TRIM5: variants seen among roughly 807,000 people sequenced by gnomAD.
TRIM5 encodes the protein tripartite motif-containing protein 5.
A neutral mutation model predicts 35.6 loss-of-function variants in TRIM5; 31 were observed. The ratio of observed to expected loss-of-function variants is 0.87; its 90% confidence interval spans 0.65 to 1.18. TRIM5 has a LOEUF of 1.18. Ranked by LOEUF, TRIM5 falls within the 50% of genes most tolerant of loss-of-function variation. The pLI, the probability that TRIM5 is intolerant of heterozygous loss-of-function variation, is 0.00. For synonymous variants in TRIM5, 243 were observed against 215.6 expected (o/e 1.13, Z -1.11); for missense variants, 609 against 591.6 (o/e 1.03, Z -0.31).
chr11:5,655,301 A>C, the TRIM5 span, among the ~76,000 whole-genome samples: 51 of 152,088 alleles, frequency 3.4e-4, no homozygotes, highest in African/African-American at 1.2e-3. Flanking sequence ...TGATAAATAA[A>C]GAAAAAGACT....
At chr11:5,607,701 T>G in the TRIM5 span, among the ~76,000 whole-genome samples, 1 of 152,218 alleles carries the variant, frequency 6.6e-6, no homozygotes, top group African/African-American at 2.4e-5. Context: ...TATTTCCTAT[T>G]TTGTTTAAAT....
At chr11:5,661,003 C>G (rs1443625525), downstream of TRIM5, among the ~76,000 whole-genome samples, 1 of 115,356 alleles carries the variant, frequency 8.7e-6, no homozygotes, top group Admixed American at 1.3e-4. Context: ...AATCGCGCCA[C>G]TGCACTCCAG....
At chr11:5,635,861 T>G in the TRIM5 span, among the ~76,000 whole-genome samples, 2 of 152,214 alleles carry the variant, frequency 1.3e-5, no homozygotes, top group Non-Finnish European at 2.9e-5. Context: ...TTAGTATGGC[T>G]ATAATAAAAA....
the TRIM5 span, chr11:5,633,975 T>C: frequency 6.6e-7 from 1 of 1,510,786 alleles, no homozygotes; most frequent in South Asian, 1.2e-5. Context: ...TCGTCCTTTT[T>C]ATTCCTTGAC....
At chr11:5,679,236 A>G in intron 2 of TRIM5, 67 bp from the exon 3 acceptor site, 5 of 1,363,384 alleles carry the variant, frequency 3.7e-6, no homozygotes, top group Non-Finnish European at 5.1e-6. Context: ...GAGTATAAAC[A>G]TGAAATAAAT....
the TRIM5 span, chr11:5,655,744 T>C: frequency 1.1e-6 from 1 of 941,856 alleles, no homozygotes; most frequent in African/African-American, 1.8e-5. Context: ...CAAAAGTATG[T>C]GCAGGACATA....
At chr11:5,668,664 G>A (rs1851330707) in intron 4 of TRIM5, among the ~76,000 whole-genome samples, 1 of 151,970 alleles carries the variant, frequency 6.6e-6, no homozygotes, top group Non-Finnish European at 1.5e-5. Context: ...TGGTCAGGCT[G>A]GTCTTGAACT....
At chr11:5,614,482 T>G in the TRIM5 span, among the ~76,000 whole-genome samples, 1 of 152,360 alleles carries the variant, frequency 6.6e-6, no homozygotes, top group Admixed American at 6.5e-5. Flanking sequence ...ATTTTTTAAA[T>G]GTCTAGCTGT....
chr11:5,634,618 T>C, the TRIM5 span: 19 of 1,606,456 alleles, frequency 1.2e-5, no homozygotes, highest in Non-Finnish European at 1.5e-5. Context: ...CTCTCTCTTG[T>C]CCATCCTTGC....
At chr11:5,611,207 C>T in the TRIM5 span, 4 of 1,614,108 alleles carry the variant, frequency 2.5e-6, no homozygotes, top group East Asian at 6.7e-5. Flanking sequence ...CTGGTACTGT[C>T]TCCTTTTATA....
chr11:5,660,939 G>C (rs1850792913), downstream of TRIM5, among the ~76,000 whole-genome samples: 1 of 150,960 alleles, frequency 6.6e-6, no homozygotes, highest in South Asian at 2.1e-4. Context: ...CTACTCGGGA[G>C]ACTGAGGCAG....
chr11:5,595,407 C>G, the TRIM5 span: 2 of 152,228 alleles, frequency 1.3e-5, no homozygotes, highest in Non-Finnish European at 2.9e-5. Flanking sequence ...CAGATACACA[C>G]ACACAGCTTT....
At chr11:5,636,811 A>G in the TRIM5 span, among the ~76,000 whole-genome samples, 2 of 152,202 alleles carry the variant, frequency 1.3e-5, no homozygotes, top group Non-Finnish European at 2.9e-5. Flanking sequence ...TTATTCTTTT[A>G]TCTGAGTAGG....
At chr11:5,609,878 G>T in the TRIM5 span, among the ~76,000 whole-genome samples, 1 of 152,110 alleles carries the variant, frequency 6.6e-6, no homozygotes, top group East Asian at 1.9e-4. Context: ...AGCCGAGATC[G>T]TGCCACTGCA....
chr11:5,636,158 T>C, the TRIM5 span, among the ~76,000 whole-genome samples: 516 of 152,320 alleles, frequency 3.4e-3, 2 homozygotes, highest in African/African-American at 0.011. Context: ...ATAAGCAAAA[T>C]GTGTTATATC....
chr11:5,663,520 T>A lies in TRIM5; in HGVS notation c.*1289A>T, dbSNP rs559043001. 1 of 984,150 alleles carries A rather than the reference T, an allele frequency of 1.0e-6. No homozygotes were observed. The highest frequency in any genetic ancestry group is 1.7e-5 in the African/African-American group (1 of 57,234). 61.0% of individuals were successfully genotyped at this position (984,150 alleles called of 1,614,324 possible). A position where few individuals can be genotyped will look rare whatever the true frequency, so the allele number is the denominator to read the frequency against. On this transcript the variant is annotated 3_prime_UTR_variant, in exon 8 of 8. Transcript: ENST00000380034. ...AACAGAGTTTATGTTTTTCAATAAT[T>A]TGTAGAACAAGTACTTATTAGATCA...
At chr11:5,609,589 T>A in the TRIM5 span, among the ~76,000 whole-genome samples, 4 of 152,120 alleles carry the variant, frequency 2.6e-5, no homozygotes, top group African/African-American at 9.7e-5. Context: ...TTATAGTATT[T>A]TCTAAAAACA....
chr11:5,600,384 A>C, the TRIM5 span, among the ~76,000 whole-genome samples: 4 of 147,608 alleles, frequency 2.7e-5, no homozygotes, highest in Non-Finnish European at 4.4e-5. Context: ...TGCTGTGAGC[A>C]TCGCTGCTGC....
chr11:5,668,112 A>G (rs1851289440), intron 4 of TRIM5, among the ~76,000 whole-genome samples: 1 of 152,148 alleles, frequency 6.6e-6, no homozygotes, highest in African/African-American at 2.4e-5. Context: ...ACAAAAAATA[A>G]AATAAAAAAA....
Sources: allele counts gnomAD v4.1 joint callset (sites outside exome capture counted in the v4.1 genomes callset), GRCh38; gene constraint gnomAD v4.1.1; transcripts MANE v1.5; gene names NCBI Gene and HGNC (gene_info 2026-07-23, HGNC 2026-07-21).